Variants in CFAP144 observed in about 807,000 individuals in gnomAD.
The protein encoded by CFAP144 is cilia and flagella associated protein 144.
chr1:43,153,134 T>C, the CFAP144 span, among the ~76,000 whole-genome samples: 11 of 152,302 alleles, frequency 7.2e-5, no homozygotes, highest in African/African-American at 2.4e-4. Flanking sequence ...ATAAGCTTGT[T>C]ATGAGGATGA....
the CFAP144 span, among the ~76,000 whole-genome samples, chr1:43,154,401 TATACATATATACGC>T: frequency 1.2e-5 from 1 of 85,938 alleles, no homozygotes; most frequent in African/African-American, 1.8e-4. Context: ...CACATATATG[TATACATATATACGC>T]ACATATACAC....
chr1:43,156,134 C>A, the CFAP144 span: 41 of 1,258,610 alleles, frequency 3.3e-5, no homozygotes, highest in Middle Eastern at 2.2e-3. Flanking sequence ...ATAAGCCAGG[C>A]CCATTGACTC....
the CFAP144 span, among the ~76,000 whole-genome samples, chr1:43,155,679 T>C: frequency 6.6e-6 from 1 of 152,210 alleles, no homozygotes; most frequent in African/African-American, 2.4e-5. Flanking sequence ...CAGCTGCAAC[T>C]TGAAGCTCCC....
chr1:43,148,574 C>A, the CFAP144 span, among the ~76,000 whole-genome samples: 1 of 152,006 alleles, frequency 6.6e-6, no homozygotes, highest in Non-Finnish European at 1.5e-5. Context: ...TGCCACTGGG[C>A]CTGAAATGGA....
the CFAP144 span, among the ~76,000 whole-genome samples, chr1:43,151,020 A>T: frequency 2.9e-3 from 441 of 152,270 alleles, 6 homozygotes; most frequent in South Asian, 0.036. Context: ...AAAAATAAAA[A>T]TTTTTTTAAA....
the CFAP144 span, among the ~76,000 whole-genome samples, chr1:43,154,062 GTATATA>G: frequency 0.11 from 9,256 of 83,518 alleles, 608 homozygotes; most frequent in African/African-American, 0.22. Flanking sequence ...ATATGTGTGT[GTATATA>G]TATATATATA....
chr1:43,154,138 TTA>T, the CFAP144 span, among the ~76,000 whole-genome samples: 106 of 141,308 alleles, frequency 7.5e-4, no homozygotes, highest in African/African-American at 2.0e-3. Context: ...TTCTCCCTTT[TTA>T]TATATATATT....
the CFAP144 span, chr1:43,152,717 C>A: frequency 1.6e-6 from 2 of 1,232,496 alleles, no homozygotes; most frequent in Non-Finnish European, 2.2e-6. Flanking sequence ...GGCAAACCTC[C>A]AAGGCACAGA....
At chr1:43,148,590 A>G in the CFAP144 span, among the ~76,000 whole-genome samples, 2 of 152,086 alleles carry the variant, frequency 1.3e-5, no homozygotes, top group Non-Finnish European at 2.9e-5. Context: ...ATGGAGCTTC[A>G]GATCCACACG....
the CFAP144 span, among the ~76,000 whole-genome samples, chr1:43,143,977 A>G: frequency 2.6e-5 from 4 of 152,304 alleles, no homozygotes; most frequent in East Asian, 7.7e-4. Flanking sequence ...GGTAAAATGG[A>G]CGTGACATCT....
At chr1:43,151,418 T>C in the CFAP144 span, among the ~76,000 whole-genome samples, 1 of 152,016 alleles carries the variant, frequency 6.6e-6, no homozygotes, top group Admixed American at 6.6e-5. Context: ...TGGAAATAAG[T>C]AGACAAGTAA....
At chr1:43,146,971 G>C in the CFAP144 span, among the ~76,000 whole-genome samples, 6 of 152,144 alleles carry the variant, frequency 3.9e-5, no homozygotes, top group Admixed American at 3.9e-4. Flanking sequence ...TCAGCCTCCC[G>C]AGTAGCTGGG....
the CFAP144 span, among the ~76,000 whole-genome samples, chr1:43,148,629 G>A: frequency 6.6e-6 from 1 of 152,002 alleles, no homozygotes; most frequent in Non-Finnish European, 1.5e-5. Context: ...CCCCTCCCTG[G>A]ACAACCCACA....
At chr1:43,144,780 T>C in the CFAP144 span, among the ~76,000 whole-genome samples, 1 of 152,032 alleles carries the variant, frequency 6.6e-6, no homozygotes, top group South Asian at 2.1e-4. Flanking sequence ...CCCCCGCTCC[T>C]CCTCCTAGCC....
At chr1:43,156,315 A>C in the CFAP144 span, 1 of 1,608,496 alleles carries the variant, frequency 6.2e-7, no homozygotes, top group Non-Finnish European at 8.5e-7. Flanking sequence ...CACAAGTAGC[A>C]TCCCAGCGGA....
chr1:43,147,281 A>G, the CFAP144 span, among the ~76,000 whole-genome samples: 3 of 152,252 alleles, frequency 2.0e-5, no homozygotes, highest in Non-Finnish European at 4.4e-5. Flanking sequence ...AGTTCTGGAG[A>G]TTGGTTTCAC....
At chr1:43,154,405 CATAT>C in the CFAP144 span, among the ~76,000 whole-genome samples, 1 of 85,194 alleles carries the variant, frequency 1.2e-5, no homozygotes, top group African/African-American at 1.8e-4. Flanking sequence ...TATATGTATA[CATAT>C]ATACGCACAT....
At chr1:43,145,278 T>C in the CFAP144 span, 1 of 1,549,990 alleles carries the variant, frequency 6.5e-7, no homozygotes. Context: ...GTGGAACACA[T>C]CTAATGTGTT....
At chr1:43,155,122 G>A in the CFAP144 span, among the ~76,000 whole-genome samples, 1 of 152,216 alleles carries the variant, frequency 6.6e-6, no homozygotes, top group African/African-American at 2.4e-5. Context: ...AAGTAATTCA[G>A]GGTTCCTGAG....
Sources: allele counts gnomAD v4.1 joint callset (sites outside exome capture counted in the v4.1 genomes callset), GRCh38; gene constraint gnomAD v4.1.1; transcripts MANE v1.5; gene names NCBI Gene and HGNC (gene_info 2026-07-23, HGNC 2026-07-21).